Variants in EEF2K observed in about 807,000 individuals in gnomAD.
EEF2K encodes the protein eukaryotic elongation factor 2 kinase.
Under a neutral mutation model 93.8 loss-of-function variants are expected in EEF2K, and 70 were observed. That is an observed-to-expected ratio of 0.75 (90% CI 0.62 to 0.91). EEF2K has a LOEUF of 0.91. Ranked by LOEUF, EEF2K falls within the 40% of genes least tolerant of loss-of-function variation. The pLI is 0.00. For synonymous variants in EEF2K, 376 were observed against 380.8 expected (o/e 0.99, Z 0.15); for missense variants, 935 against 972.9 (o/e 0.96, Z 0.52).
chr16:22,281,447 GC>G (rs1393594162), intron 17 of EEF2K, among the ~76,000 whole-genome samples: 1 of 152,124 alleles, frequency 6.6e-6, no homozygotes, highest in Non-Finnish European at 1.5e-5. Context: ...TTGCTATGTT[GC>G]CCAGGCTGGT....
At position 22,212,808 on chromosome 16, in the gene EEF2K, C is replaced by CA. The variant is rs1445546075; in HGVS notation, c.-77+6135dup. On this transcript the variant is annotated intron_variant, in intron 1 of 17. Coordinates refer to ENST00000263026, the MANE Select transcript of EEF2K (RefSeq NM_013302.5). ...CAGGAGTGGCAAGACACCATCTCTA[C>CA]AAAAAATTTTTTAAAATAAGCCAGG... Among the ~76,000 whole-genome samples the CA allele has an allele frequency of 1.2e-4, 18 of 151,870 alleles. No homozygotes were observed. In the East Asian group the frequency reaches 1.4e-3, roughly 11 times the overall value.
At position 22,248,606 on chromosome 16, in the gene EEF2K, C is replaced by T. The variant is rs1598185084; in HGVS notation, c.348-149C>T. On this transcript the variant is annotated intron_variant, in intron 3 of 17. Coordinates refer to ENST00000263026, the MANE Select transcript of EEF2K (RefSeq NM_013302.5). ...GGGAGGGACAGTGTCTCCAACCCAA[C>T]CCAGGAGGTTGGCTGGGCTATGGGC... 5.0e-6 allele frequency: 4 copies of T among 801,218 alleles called. No individual in the cohort carries two copies. The East Asian group carries it at 8.0e-5, about 16-fold the overall frequency. 49.6% of individuals were successfully genotyped at this position (801,218 alleles called of 1,614,324 possible). A position where few individuals can be genotyped will look rare whatever the true frequency, so the allele number is the denominator to read the frequency against.
intron 2 of EEF2K, among the ~76,000 whole-genome samples, chr16:22,239,638 C>A (rs2047201189): frequency 6.6e-6 from 1 of 152,042 alleles, no homozygotes; most frequent in East Asian, 1.9e-4. Flanking sequence ...TACCGAGATC[C>A]TGTCTGTACA....
At chr16:22,226,025 G>A (rs767982865) in intron 2 of EEF2K, 50 bp downstream of exon 2, 1 of 1,598,292 alleles carries the variant, frequency 6.3e-7, no homozygotes, top group Middle Eastern at 1.7e-4. Flanking sequence ...GCTGCTGTAA[G>A]GGATGGAGGG....
At chr16:22,237,317 GA>G (rs1454588715) in intron 2 of EEF2K, among the ~76,000 whole-genome samples, 1 of 151,792 alleles carries the variant, frequency 6.6e-6, no homozygotes, top group Non-Finnish European at 1.5e-5. Context: ...AGAAATAGAG[GA>G]TATTAGAGCT....
intron 2 of EEF2K, among the ~76,000 whole-genome samples, chr16:22,226,622 C>G (rs1389251520): frequency 6.6e-6 from 1 of 150,428 alleles, no homozygotes; most frequent in African/African-American, 2.5e-5. Context: ...CTCAAGCAAG[C>G]CTCCCACCTC....
intron 14 of EEF2K, 27 bp from the exon 15 acceptor site, chr16:22,266,661 A>G: frequency 6.3e-7 from 1 of 1,590,514 alleles, no homozygotes; most frequent in Non-Finnish European, 8.6e-7. Flanking sequence ...CCAGACAGCC[A>G]GGCCGACACC....
At chr16:22,229,973 C>G (rs1279875248) in intron 2 of EEF2K, among the ~76,000 whole-genome samples, 1 of 152,168 alleles carries the variant, frequency 6.6e-6, no homozygotes, top group Non-Finnish European at 1.5e-5. Flanking sequence ...GCCTAGAGTT[C>G]TAGCTGGAGT....
rs775100850 is a variant in EEF2K at position 22,225,908 on chromosome 16, A to G, written c.179A>G (p.Tyr60Cys). The change falls in exon 2 of 18, where the codon TAC (tyrosine) becomes TGC (cysteine). Residue 60 changes from tyrosine to cysteine, a missense_variant. Transcript: ENST00000263026. ...GTCAATTCCAAGGTTAATAAGTACTACAGCAACCTAACAAAAAGTGAGCGG... is the reference window on the plus strand; with the variant it reads ...GTCAATTCCAAGGTTAATAAGTACTGCAGCAACCTAACAAAAAGTGAGCGG... The part of the protein sequence containing the change: ...QNVNSKVNKY[Y>C]SNLTKSERYS... 8 of 1,614,068 alleles carry G rather than the reference A, an allele frequency of 5.0e-6. No homozygotes were observed. The African/African-American group carries it at 1.1e-4, about 22-fold the overall frequency.
At position 22,248,784 on chromosome 16, in the gene EEF2K, A is replaced by T. The variant is rs1032893165; in HGVS notation, c.377A>T (p.Asp126Val). The T allele has an allele frequency of 1.2e-6, 2 of 1,613,970 alleles. No homozygotes were observed. Among genetic ancestry groups the T allele is most frequent in the East Asian group, 4.5e-5 (2 of 44,876 alleles). The change falls in exon 4 of 18, where the codon GAT becomes GTT. Residue 126 changes from aspartate (D) to valine (V), a missense_variant. Physicochemically the swap from Asp to Val is radical, Grantham distance 152. Coordinates refer to ENST00000263026, the MANE Select transcript of EEF2K (RefSeq NM_013302.5). Reference protein sequence around the residue: ...RYNAVTGEWLDDEVLIKMASQ... With the variant: ...RYNAVTGEWLVDEVLIKMASQ... The stretch of plus-strand genomic sequence containing the variant: ...AACGCCGTCACCGGGGAATGGCTGG[A>T]TGATGAAGTTCTGATCAAGATGGCA...
At chr16:22,231,634 A>G (rs2047116277) in intron 2 of EEF2K, among the ~76,000 whole-genome samples, 1 of 152,152 alleles carries the variant, frequency 6.6e-6, no homozygotes, top group African/African-American at 2.4e-5. Context: ...TAAGAAAAAT[A>G]AAGTAAAATA....
At chr16:22,243,004 C>T (rs13335773) in intron 2 of EEF2K, among the ~76,000 whole-genome samples, 51 of 151,846 alleles carry the variant, frequency 3.4e-4, no homozygotes, top group African/African-American at 1.2e-3. Flanking sequence ...GAGAGGATCA[C>T]CTGAGCCGTG....
intron 16 of EEF2K, among the ~76,000 whole-genome samples, chr16:22,279,061 C>A (rs1355335750): frequency 6.6e-6 from 1 of 152,102 alleles, no homozygotes; most frequent in African/African-American, 2.4e-5. Context: ...AGTCAGAGGG[C>A]AGCTTAGCTA....
In EEF2K at chr16:22,262,001, CCACACACACACACACA is replaced by C. The variant is rs71151667; in HGVS notation, c.1300-1088_1300-1073del. Among the ~76,000 whole-genome samples the C allele has an allele frequency of 4.3e-5, 6 of 138,114 alleles. No individual in the cohort carries two copies. The East Asian group carries it at 1.3e-3, about 30-fold the overall frequency. 90.6% of individuals were successfully genotyped at this position (138,114 alleles called of 152,430 possible). A position where few individuals can be genotyped will look rare whatever the true frequency, so the allele number is the denominator to read the frequency against. The stretch of plus-strand genomic sequence containing the variant: ...GCCTGGGTGACAACGTGAGACCCTG[CCACACACACACACACA>C]CACACACACACACACACACAGAAAA... On this transcript the variant is annotated intron_variant, in intron 11 of 17. Transcript: ENST00000263026.
chr16:22,250,275 G>A (rs1157986124), intron 4 of EEF2K, among the ~76,000 whole-genome samples: 1 of 152,128 alleles, frequency 6.6e-6, no homozygotes, highest in Non-Finnish European at 1.5e-5. Flanking sequence ...TTTCATTGAA[G>A]GAATACACCT....
intron 9 of EEF2K, 116 bp from the exon 10 acceptor site, chr16:22,258,378 G>A (rs1598193442): frequency 9.5e-7 from 1 of 1,048,548 alleles, no homozygotes; most frequent in Non-Finnish European, 1.4e-6. Context: ...CTCCTAAACA[G>A]GCATGTTTAG....
chr16:22,227,302 A>C (rs1405525759), intron 2 of EEF2K, among the ~76,000 whole-genome samples: 1 of 150,932 alleles, frequency 6.6e-6, no homozygotes, highest in African/African-American at 2.4e-5. Flanking sequence ...CGGCTCACTG[A>C]AACGTCCGCC....
chr16:22,282,021 G>A (rs1236328913), intron 17 of EEF2K, among the ~76,000 whole-genome samples: 3 of 152,136 alleles, frequency 2.0e-5, no homozygotes, highest in Non-Finnish European at 4.4e-5. Context: ...AGCACTTTGG[G>A]AGGCCAAGAT....
chr16:22,229,044 C>T (rs1018527143), intron 2 of EEF2K, among the ~76,000 whole-genome samples: 18 of 152,262 alleles, frequency 1.2e-4, no homozygotes, highest in Non-Finnish European at 4.4e-5. Context: ...GAGGCTGAGG[C>T]AGAAGAATCC....
Sources: gnomAD v4.1 joint callset for allele counts (sites outside exome capture counted in the v4.1 genomes callset) on GRCh38, gnomAD v4.1.1 for gene constraint, MANE v1.5 for transcripts, NCBI Gene and HGNC (gene_info 2026-07-23, HGNC 2026-07-21) for gene names.